FAT3: variants seen among roughly 807,000 people sequenced by gnomAD.
FAT3 encodes the protein protocadherin Fat 3.
A neutral mutation model predicts 310.2 loss-of-function variants in FAT3; 95 were observed. That is an observed-to-expected ratio of 0.31 (90% CI 0.26 to 0.36). The LOEUF (loss-of-function observed/expected upper bound fraction) is 0.36. Ranked by LOEUF, FAT3 falls within the 10% of genes least tolerant of loss-of-function variation. The pLI is 1.00. For synonymous variants in FAT3, 2,314 were observed against 2,192.9 expected (o/e 1.06, Z -1.54); for missense variants, 5,408 against 5,715.6 (o/e 0.95, Z 1.74).
At chr11:92,770,776 C>G (rs1946437432) in intron 6 of FAT3, among the ~76,000 whole-genome samples, 1 of 152,172 alleles carries the variant, frequency 6.6e-6, no homozygotes, top group Non-Finnish European at 1.5e-5. Flanking sequence ...TCGTACCCTT[C>G]TTTAAAGAAA....
chr11:92,355,160 G>T lies in FAT3; in HGVS notation c.3048G>T (p.Gly1016=), dbSNP rs751247669. 1 of 1,613,794 alleles carries T rather than the reference G, an allele frequency of 6.2e-7. No homozygotes were observed. Among genetic ancestry groups the T allele is most frequent in the South Asian group, 1.1e-5 (1 of 91,082 alleles). The change falls in exon 2 of 28, where the codon GGG becomes GGT. Residue 1016 remains glycine, a synonymous_variant. Coordinates refer to ENST00000525166, the MANE Select transcript of FAT3 (RefSeq NM_001367949.2). ...YNLTVRAKDK[G]RPVSLSSVSF... is the part of the protein sequence containing the mutation. ...TTACTGTGCGGGCCAAAGACAAAGG[G>T]CGGCCTGTCTCTCTGTCATCTGTTT...
Position 92,366,974 on chromosome 11 carries a change from C to G in FAT3, c.3292+11570C>G, listed in dbSNP as rs140390098. 6.7e-4 allele frequency: 352 copies of G among 525,254 alleles called. 2 individuals are homozygous for G. The highest frequency in any genetic ancestry group is 6.4e-3 in the African/African-American group (332 of 52,174). 32.5% of individuals were successfully genotyped at this position (525,254 alleles called of 1,614,324 possible). On this transcript the variant is annotated intron_variant, in intron 2 of 27. Coordinates refer to ENST00000525166, the MANE Select transcript of FAT3 (RefSeq NM_001367949.2). ...TGCTTTATTGACTCTGGTCAGACAC[C>G]CATAGTGCCCTTATTGAGGTGTCAA...
At chr11:92,282,662 A>C (rs535843010) in intron 1 of FAT3, among the ~76,000 whole-genome samples, 63 of 148,522 alleles carry the variant, frequency 4.2e-4, no homozygotes, top group East Asian at 1.2e-3. Flanking sequence ...AAAAATAAAA[A>C]AAAAAAAAAA....
intron 3 of FAT3, among the ~76,000 whole-genome samples, chr11:92,696,444 CTTTCACAGCCCCTGGAAATACCT>C (rs572453321): frequency 5.3e-4 from 81 of 152,274 alleles, no homozygotes; most frequent in African/African-American, 1.8e-3. Context: ...GTCAAGGGCT[CTTTCACAGCCCCTGGAAATACCT>C]TTCCACATTG....
chr11:92,350,846 C>T lies in FAT3; in HGVS notation c.-17-1250C>T, dbSNP rs532085625. Among the ~76,000 whole-genome samples the T allele has an allele frequency of 2.6e-5, 4 of 152,200 alleles. No homozygotes were observed. The South Asian group carries it at 6.2e-4, about 24-fold the overall frequency. ...CATTTTCCATCTCCTCTCATCTTCA[C>T]GTTCCCTGTAAAGGAAGAAAAGGAG... On this transcript the variant is annotated intron_variant, in intron 1 of 27. Coordinates refer to ENST00000525166, the MANE Select transcript of FAT3 (RefSeq NM_001367949.2).
intron 4 of FAT3, among the ~76,000 whole-genome samples, chr11:92,718,702 C>G (rs1944764349): frequency 6.6e-6 from 1 of 152,118 alleles, no homozygotes; most frequent in Admixed American, 6.6e-5. Context: ...TTGTTCTCCT[C>G]CAAATCTCTG....
chr11:92,336,317 A>G (rs1948078608), intron 1 of FAT3: 1 of 449,046 alleles, frequency 2.2e-6, no homozygotes, highest in Non-Finnish European at 4.3e-6. Flanking sequence ...TGTCCTCAGG[A>G]TCTGGGTCCT....
Position 92,817,213 on chromosome 11 carries a change from G to A in FAT3, c.9481+7137G>A, listed in dbSNP as rs546105195. Among the ~76,000 whole-genome samples, 16 of 152,292 alleles carry A rather than the reference G, an allele frequency of 1.1e-4. No individual in the cohort carries two copies. The South Asian group carries it at 1.5e-3, about 14-fold the overall frequency. On this transcript the variant is annotated intron_variant, in intron 13 of 27. Coordinates refer to ENST00000525166, the MANE Select transcript of FAT3 (RefSeq NM_001367949.2). ...TTTGTTTCAGGGTGAGGGGAAAGGT[G>A]AGCGGGAGTCAGTAAGAAATGAAGA...
chr11:92,293,540 ATATATATATAT>A (rs1946763105), intron 1 of FAT3, among the ~76,000 whole-genome samples: 1 of 43,898 alleles, frequency 2.3e-5, no homozygotes, highest in African/African-American at 9.9e-5. Flanking sequence ...ATATATATAT[ATATATATATAT>A]AAATAAAATA....
intron 2 of FAT3, among the ~76,000 whole-genome samples, chr11:92,442,951 G>A (rs192571996): frequency 1.3e-3 from 194 of 152,180 alleles, no homozygotes; most frequent in African/African-American, 4.4e-3. Flanking sequence ...AACTGAAACC[G>A]TGCATGATAT....
At chr11:92,684,055 C>A (rs1379018979) in intron 3 of FAT3, among the ~76,000 whole-genome samples, 5 of 152,190 alleles carry the variant, frequency 3.3e-5, no homozygotes, top group Admixed American at 2.6e-4. Context: ...AGGACTGACA[C>A]AGAGCTGTGA....
chr11:92,892,293 C>T lies in FAT3; in HGVS notation c.*1180C>T, dbSNP rs74567472. On this transcript the variant is annotated 3_prime_UTR_variant, in exon 28 of 28. Coordinates refer to ENST00000525166, the MANE Select transcript of FAT3 (RefSeq NM_001367949.2). The stretch of plus-strand genomic sequence containing the variant: ...TGGACCATGTTGAAAATTCTGCCGG[C>T]GAGCATGGCATACCTTTCAATTTCT... The T allele has an allele frequency of 0.11, 16,375 of 152,096 alleles. 1,042 individuals carry two copies. Among genetic ancestry groups the T allele is most frequent in the African/African-American group, 0.16 (6,821 of 41,486 alleles). The allele number at this position is 152,096 out of a possible 1,614,324, so 9.4% of individuals were successfully genotyped here. A position where few individuals can be genotyped will look rare whatever the true frequency, so the allele number is the denominator to read the frequency against.
intron 1 of FAT3, among the ~76,000 whole-genome samples, chr11:92,298,132 C>T (rs1946898693): frequency 6.6e-6 from 1 of 152,010 alleles, no homozygotes; most frequent in Non-Finnish European, 1.5e-5. Context: ...CATAAATCTC[C>T]CAGTACTTAT....
At chr11:92,461,505 A>T (rs890237849) in intron 2 of FAT3, among the ~76,000 whole-genome samples, 5 of 152,178 alleles carry the variant, frequency 3.3e-5, no homozygotes, top group Admixed American at 2.6e-4. Flanking sequence ...GTTGAAAACA[A>T]GGGTGGGTAT....
At chr11:92,614,548 G>A (rs1373199936) in intron 3 of FAT3, among the ~76,000 whole-genome samples, 1 of 152,088 alleles carries the variant, frequency 6.6e-6, no homozygotes, top group Non-Finnish European at 1.5e-5. Flanking sequence ...CCCACTTTTT[G>A]ATTAGGTTGT....
Position 92,349,870 on chromosome 11 carries a change from C to T in FAT3, c.-17-2226C>T, listed in dbSNP as rs139771477. On this transcript the variant is annotated intron_variant, in intron 1 of 27. Coordinates refer to ENST00000525166, the MANE Select transcript of FAT3 (RefSeq NM_001367949.2). ...TCTATCTGTAACTCCATGTTTTCTA[C>T]GGGATACTTCAGCAAATGATAGCAG... Among the ~76,000 whole-genome samples the T allele has an allele frequency of 3.0e-3, 455 of 151,960 alleles. 3 individuals carry two copies. Among genetic ancestry groups the T allele is most frequent in the African/African-American group, 9.7e-3 (404 of 41,442 alleles).
chr11:92,323,494 C>G (rs1037165969), intron 1 of FAT3, among the ~76,000 whole-genome samples: 2 of 151,946 alleles, frequency 1.3e-5, no homozygotes, highest in Non-Finnish European at 2.9e-5. Context: ...TTCAAGTGAT[C>G]CCCCCATGTT....
At position 92,435,476 on chromosome 11, in the gene FAT3, T is replaced by A. The variant is rs996907773; in HGVS notation, c.3292+80072T>A. Among the ~76,000 whole-genome samples the A allele has an allele frequency of 3.3e-5, 4 of 123,002 alleles. No homozygotes were observed. In the South Asian group the frequency reaches 7.8e-4, roughly 24 times the overall value. 80.7% of individuals were successfully genotyped at this position (123,002 alleles called of 152,430 possible). A position where few individuals can be genotyped will look rare whatever the true frequency, so the allele number is the denominator to read the frequency against. On this transcript the variant is annotated intron_variant, in intron 2 of 27. Coordinates refer to ENST00000525166, the MANE Select transcript of FAT3 (RefSeq NM_001367949.2). ...CACATTTTCTTTTATTTATCCTTCC[T>A]TCCTTCCTTCCTTCCTTCCTTCCTT...
rs1666139288 is a variant in FAT3, at chr11:92,651,377, G to T, written c.3608-46007G>T. On this transcript the variant is annotated intron_variant, in intron 3 of 27. Transcript: ENST00000525166. ...GCTACTTCCCATGAGGGCCCGTTTG[G>T]GCTTGGTCAATGCACTCAGCTTCAG... 2.6e-5 allele frequency among the ~76,000 whole-genome samples: 4 copies of T among 152,294 alleles called. No homozygotes were observed. In the South Asian group the frequency reaches 8.3e-4, roughly 32 times the overall value.
Sources: allele counts gnomAD v4.1 joint callset (sites outside exome capture counted in the v4.1 genomes callset), GRCh38; gene constraint gnomAD v4.1.1; transcripts MANE v1.5; gene names NCBI Gene and HGNC (gene_info 2026-07-23, HGNC 2026-07-21).